The following SLC44A1 variants were observed in gnomAD, a reference collection of about 807,000 sequenced individuals.
SLC44A1 encodes choline transporter-like protein 1.
In SLC44A1, 26 loss-of-function variants were observed where a neutral mutation model predicts 79.3. The ratio of observed to expected loss-of-function variants is 0.33; its 90% CI spans 0.24 to 0.46. The LOEUF (loss-of-function observed/expected upper bound fraction) is 0.46, where lower values mean the gene tolerates loss of function less well. Ranked by LOEUF, SLC44A1 falls within the 20% of genes least tolerant of loss-of-function variation. The pLI, the probability that SLC44A1 is intolerant of heterozygous loss-of-function variation, is 1.00. For synonymous variants in SLC44A1, 263 were observed against 286.2 expected (o/e 0.92, Z 0.82); for missense variants, 688 against 798.1 (o/e 0.86, Z 1.66).
intron 3 of SLC44A1, among the ~76,000 whole-genome samples, chr9:105,325,268 C>G (rs948227903): frequency 6.6e-6 from 1 of 152,110 alleles, no homozygotes; most frequent in Non-Finnish European, 1.5e-5. Context: ...GTACAATTCT[C>G]TTTATATGAA....
intron 15 of SLC44A1, among the ~76,000 whole-genome samples, chr9:105,420,889 AG>A (rs34930149): frequency 2.1e-5 from 3 of 140,228 alleles, no homozygotes; most frequent in East Asian, 1.9e-4. Context: ...AAAAAAAAAA[AG>A]GATGGTCTAG....
chr9:105,341,322 C>T (rs1398688682), intron 4 of SLC44A1, among the ~76,000 whole-genome samples: 4 of 122,124 alleles, frequency 3.3e-5, no homozygotes, highest in African/African-American at 3.4e-5. Context: ...GCAACAAGAA[C>T]GAAACTTCGT....
At chr9:105,258,512 G>T (rs1211842441) in intron 1 of SLC44A1, among the ~76,000 whole-genome samples, 1 of 152,178 alleles carries the variant, frequency 6.6e-6, no homozygotes, top group Non-Finnish European at 1.5e-5. Flanking sequence ...TAGGTACCTT[G>T]ACTAGGATCG....
intron 1 of SLC44A1, among the ~76,000 whole-genome samples, chr9:105,289,847 T>C (rs1830563176): frequency 6.6e-6 from 1 of 151,764 alleles, no homozygotes; most frequent in South Asian, 2.1e-4. Context: ...GGAATTTTGC[T>C]CTGTTGCCCA....
At chr9:105,307,138 G>A (rs1831053461) in intron 2 of SLC44A1, among the ~76,000 whole-genome samples, 1 of 152,088 alleles carries the variant, frequency 6.6e-6, no homozygotes, top group African/African-American at 2.4e-5. Flanking sequence ...ATTCAGCTAG[G>A]GATCGGATAT....
intron 1 of SLC44A1, among the ~76,000 whole-genome samples, chr9:105,249,042 C>T (rs935904757): frequency 2.0e-5 from 3 of 152,184 alleles, no homozygotes; most frequent in African/African-American, 7.2e-5. Flanking sequence ...GAGAATCTTT[C>T]AAGTTGAACA....
In SLC44A1 at chr9:105,358,332, T is replaced by A; in HGVS notation, c.671-12T>A. ...CAAATAATATTCTATATGTTCTCTATCTTCCCTGCAGTTCTATCCATGATT... is the reference window on the plus strand; with the variant it reads ...CAAATAATATTCTATATGTTCTCTAACTTCCCTGCAGTTCTATCCATGATT... On this transcript the variant is annotated splice_polypyrimidine_tract_variant and intron_variant, in intron 6 of 15. Coordinates refer to ENST00000374720, the MANE Select transcript of SLC44A1 (RefSeq NM_080546.5). 7.1e-7 allele frequency: 1 copy of A among 1,400,002 alleles called. No homozygotes were observed. The highest frequency in any genetic ancestry group is 1.0e-6 in the Non-Finnish European group (1 of 990,170). The allele number at this position is 1,400,002 out of a possible 1,614,324, so 86.7% of individuals were successfully genotyped here.
At chr9:105,409,495 A>G (rs991234395) in intron 15 of SLC44A1, among the ~76,000 whole-genome samples, 1 of 152,166 alleles carries the variant, frequency 6.6e-6, no homozygotes, top group Admixed American at 6.6e-5. Flanking sequence ...GACCAGCCTC[A>G]GCAACAAAAC....
chr9:105,338,652 G>A (rs1023934284), intron 4 of SLC44A1, among the ~76,000 whole-genome samples: 1 of 152,128 alleles, frequency 6.6e-6, no homozygotes, highest in Non-Finnish European at 1.5e-5. Context: ...AGCCTTAAGC[G>A]ATCCTCCCTC....
At chr9:105,342,369 A>G (rs561081666) in intron 4 of SLC44A1, among the ~76,000 whole-genome samples, 20 of 152,292 alleles carry the variant, frequency 1.3e-4, no homozygotes, top group Admixed American at 8.5e-4. Flanking sequence ...TAGTAGCCCT[A>G]TCAGTTATCA....
intron 5 of SLC44A1, among the ~76,000 whole-genome samples, chr9:105,351,383 A>G (rs557583485): frequency 4.3e-4 from 66 of 151,966 alleles, no homozygotes; most frequent in South Asian, 1.9e-3. Flanking sequence ...AAAACACAAA[A>G]ATTAGCTGGG....
rs1262182382 is a variant in SLC44A1, at chr9:105,269,396, TC to T, written c.36+24494del. 2.6e-5 allele frequency among the ~76,000 whole-genome samples: 4 copies of T among 152,220 alleles called. No individual in the cohort carries two copies. The East Asian group carries it at 7.7e-4, about 29-fold the overall frequency. On this transcript the variant is annotated intron_variant, in intron 1 of 15. Transcript: ENST00000374720. Reference sequence around the variant, plus strand: ...CCTATACAGCTGACCTGTACTTTAGTCCATTTCCTCCCATGTTATCCCCTGA... The same window carrying T: ...CCTATACAGCTGACCTGTACTTTAGTCATTTCCTCCCATGTTATCCCCTGA...
At position 105,389,730 on chromosome 9, in the gene SLC44A1, G is replaced by C. The variant is rs867423086; in HGVS notation, c.*674G>C. ...CCTAACGCTTCTTTAAAAGAAAGTAGGTAAAAAAAGAAAAGGGTAGATAAT... is the reference window on the plus strand; with the variant it reads ...CCTAACGCTTCTTTAAAAGAAAGTACGTAAAAAAAGAAAAGGGTAGATAAT... On this transcript the variant is annotated 3_prime_UTR_variant, in exon 16 of 16. Transcript: ENST00000374720. 290 of 1,280,882 alleles carry C rather than the reference G, an allele frequency of 2.3e-4. No individual in the cohort carries two copies. In the Middle Eastern group the frequency reaches 2.8e-3, roughly 12 times the overall value. The allele number at this position is 1,280,882 out of a possible 1,614,324, so 79.3% of individuals were successfully genotyped here. A position where few individuals can be genotyped will look rare whatever the true frequency, so the allele number is the denominator to read the frequency against.
intron 7 of SLC44A1, among the ~76,000 whole-genome samples, chr9:105,358,845 C>A (rs1827699535): frequency 6.6e-6 from 1 of 151,998 alleles, no homozygotes; most frequent in African/African-American, 2.4e-5. Flanking sequence ...TTATCTTCAC[C>A]CTTGTTTTGA....
intron 1 of SLC44A1, among the ~76,000 whole-genome samples, chr9:105,265,216 G>A (rs1043805379): frequency 1.3e-5 from 2 of 152,072 alleles, no homozygotes; most frequent in African/African-American, 4.8e-5. Context: ...TTTGACAGAC[G>A]CATGGCCTTA....
Position 105,361,353 on chromosome 9 carries a change from C to T in SLC44A1, c.900+23C>T, listed in dbSNP as rs1487991405. ...ACAGTGAGTTTAGGCTTTGGCGTGTCTTTCGGTTTTGTGTTTTTGTTTGCA... is the reference window on the plus strand; with the variant it reads ...ACAGTGAGTTTAGGCTTTGGCGTGTTTTTCGGTTTTGTGTTTTTGTTTGCA... On this transcript the variant is annotated intron_variant, in intron 8 of 15. Transcript: ENST00000374720. The T allele has an allele frequency of 2.6e-6, 4 of 1,556,664 alleles. No individual in the cohort carries two copies. The South Asian group carries it at 3.7e-5, about 14-fold the overall frequency.
intron 13 of SLC44A1, 83 bp downstream of exon 13, chr9:105,374,818 C>T: frequency 9.0e-7 from 1 of 1,111,472 alleles, no homozygotes; most frequent in South Asian, 1.5e-5. Context: ...ATATTCAGGC[C>T]ACCAAAAAAC....
At chr9:105,365,201 AAGT>A (rs1827902212) in intron 10 of SLC44A1, among the ~76,000 whole-genome samples, 1 of 152,212 alleles carries the variant, frequency 6.6e-6, no homozygotes. Context: ...ATGACCCCAT[AAGT>A]ATTCACTAAT....
intron 12 of SLC44A1, among the ~76,000 whole-genome samples, chr9:105,370,871 C>T (rs573678996): frequency 7.9e-5 from 12 of 152,236 alleles, no homozygotes; most frequent in African/African-American, 2.6e-4. Context: ...ATGGGTTGTC[C>T]AATTTCCTTG....
Sources: gnomAD v4.1 joint callset for allele counts (sites outside exome capture counted in the v4.1 genomes callset) on GRCh38, gnomAD v4.1.1 for gene constraint, MANE v1.5 for transcripts, NCBI Gene and HGNC (gene_info 2026-07-23, HGNC 2026-07-21) for gene names.